COL25A1: variants seen among roughly 807,000 people sequenced by gnomAD.
COL25A1 encodes the protein collagen alpha-1(XXV) chain.
In COL25A1, 103 loss-of-function variants were observed where a neutral mutation model predicts 128.4. The ratio of observed to expected loss-of-function variants is 0.80; its 90% confidence interval spans 0.68 to 0.94. The LOEUF (loss-of-function observed/expected upper bound fraction) is 0.94, where lower values mean the gene tolerates loss of function less well. COL25A1 is among the 40% of genes least tolerant of loss of function. The pLI is 0.00. For synonymous variants in COL25A1, 279 were observed against 277.2 expected (o/e 1.01, Z -0.06); for missense variants, 745 against 840.0 (o/e 0.89, Z 1.40).
At chr4:109,013,198 C>A (rs149401978) in intron 5 of COL25A1, among the ~76,000 whole-genome samples, 12,110 of 151,960 alleles carry the variant, frequency 0.08, 818 homozygotes, top group African/African-American at 0.19. Context: ...CCAATCAGTG[C>A]TCTGTGTCTA....
chr4:109,266,711 G>C (rs1454709192), intron 3 of COL25A1, among the ~76,000 whole-genome samples: 3 of 150,978 alleles, frequency 2.0e-5, no homozygotes. Flanking sequence ...CTCAACCATA[G>C]AAAGTGACAT....
At chr4:109,197,335 T>A (rs1776135797) in intron 3 of COL25A1, among the ~76,000 whole-genome samples, 1 of 132,588 alleles carries the variant, frequency 7.5e-6, no homozygotes, top group Non-Finnish European at 1.5e-5. Flanking sequence ...CAAGTATATA[T>A]ATATATTATA....
intron 3 of COL25A1, among the ~76,000 whole-genome samples, chr4:109,182,004 T>C (rs1774690539): frequency 6.6e-6 from 1 of 152,138 alleles, no homozygotes; most frequent in African/African-American, 2.4e-5. Flanking sequence ...TCCAGGTTCA[T>C]TTATGTTGCC....
chr4:109,124,942 T>A (rs1055572898), intron 3 of COL25A1, among the ~76,000 whole-genome samples: 4 of 152,184 alleles, frequency 2.6e-5, no homozygotes, highest in African/African-American at 9.6e-5. Context: ...TGACCAAATG[T>A]CCTGAAAGCT....
rs188869410 is a variant in COL25A1 at position 108,885,900 on chromosome 4, C to G, written c.976-1678G>C. Among the ~76,000 whole-genome samples the G allele has an allele frequency of 3.3e-3, 505 of 152,208 alleles. 3 individuals carry two copies. The highest frequency in any genetic ancestry group is 2.7e-3 in the Non-Finnish European group (182 of 68,014). On this transcript the variant is annotated intron_variant, in intron 18 of 37. Coordinates refer to ENST00000399132, the MANE Select transcript of COL25A1 (RefSeq NM_198721.4). ...AACGGGTGTTCTCGTCACCTCTTTT[C>G]CTCCCACCAAATGAAAGGATTGAAT...
At chr4:109,260,435 C>T (rs1455295242) in intron 3 of COL25A1, among the ~76,000 whole-genome samples, 1 of 152,090 alleles carries the variant, frequency 6.6e-6, no homozygotes, top group Non-Finnish European at 1.5e-5. Context: ...CCTTAGCCCC[C>T]CTCCCAAAGT....
chr4:108,958,275 T>G (rs1017949955), intron 8 of COL25A1, among the ~76,000 whole-genome samples: 4 of 152,090 alleles, frequency 2.6e-5, no homozygotes, highest in Non-Finnish European at 5.9e-5. Context: ...CAGGGCAATT[T>G]TGTTAGAAAT....
intron 3 of COL25A1, among the ~76,000 whole-genome samples, chr4:109,087,063 C>A (rs961087414): frequency 6.6e-6 from 1 of 152,044 alleles, no homozygotes; most frequent in African/African-American, 2.4e-5. Flanking sequence ...AGTATGAGTA[C>A]AAAGGGATGA....
At chr4:109,288,916 GAAT>G (rs1191544190) in intron 3 of COL25A1, among the ~76,000 whole-genome samples, 1 of 148,448 alleles carries the variant, frequency 6.7e-6, no homozygotes, top group Non-Finnish European at 1.5e-5. Flanking sequence ...AAAGGAAACA[GAAT>G]AATAAACAAT....
intron 3 of COL25A1, among the ~76,000 whole-genome samples, chr4:109,263,260 T>C (rs16997032): frequency 0.03 from 4,511 of 152,236 alleles, 297 homozygotes; most frequent in East Asian, 0.24. Flanking sequence ...AAGAACACAA[T>C]AGTGAGCCTT....
intron 3 of COL25A1, among the ~76,000 whole-genome samples, chr4:109,126,667 T>G (rs1768650452): frequency 1.3e-5 from 2 of 152,202 alleles, no homozygotes; most frequent in South Asian, 2.1e-4. Flanking sequence ...ATTTTCATTT[T>G]GAAAAGCTTT....
At chr4:109,158,755 G>C (rs1772270589) in intron 3 of COL25A1, among the ~76,000 whole-genome samples, 1 of 152,142 alleles carries the variant, frequency 6.6e-6, no homozygotes, top group Middle Eastern at 3.2e-3. Flanking sequence ...AATACCCTAA[G>C]TTATAAAGTT....
At chr4:108,830,116 G>C (rs1048071577) in intron 32 of COL25A1, among the ~76,000 whole-genome samples, 2 of 152,060 alleles carry the variant, frequency 1.3e-5, no homozygotes, top group African/African-American at 4.8e-5. Context: ...CTAATGATTC[G>C]AGCTTGAAAA....
chr4:108,896,292 T>C (rs992708562), intron 16 of COL25A1, among the ~76,000 whole-genome samples: 1 of 152,040 alleles, frequency 6.6e-6, no homozygotes, highest in African/African-American at 2.4e-5. Flanking sequence ...TGTTCTCTCC[T>C]GAAACTGGCA....
chr4:109,007,817 G>A (rs113431201), intron 6 of COL25A1, among the ~76,000 whole-genome samples: 19,035 of 152,048 alleles, frequency 0.13, 1,796 homozygotes, highest in African/African-American at 0.27. Context: ...GAAGTGCCAT[G>A]ATATACGTTC....
intron 11 of COL25A1, 49 bp from the exon 12 acceptor site, chr4:108,920,653 C>A: frequency 7.0e-7 from 1 of 1,425,360 alleles, no homozygotes; most frequent in Non-Finnish European, 9.8e-7. Flanking sequence ...GCCATTTAAG[C>A]TTAGATGACC....
At chr4:108,954,605 C>T (rs899962331) in intron 8 of COL25A1, among the ~76,000 whole-genome samples, 1 of 151,712 alleles carries the variant, frequency 6.6e-6, no homozygotes, top group Non-Finnish European at 1.5e-5. Flanking sequence ...TCAAAATATG[C>T]CTTAGGTGCA....
At chr4:108,854,398 T>A (rs977484442) in intron 24 of COL25A1, among the ~76,000 whole-genome samples, 3 of 151,948 alleles carry the variant, frequency 2.0e-5, no homozygotes, top group Non-Finnish European at 4.4e-5. Context: ...AGCTTCTGAA[T>A]AGCAAAAAAA....
intron 5 of COL25A1, among the ~76,000 whole-genome samples, chr4:109,012,887 C>T (rs964963287): frequency 7.9e-5 from 12 of 152,228 alleles, no homozygotes; most frequent in Middle Eastern, 3.2e-3. Context: ...AGGGCAGCTC[C>T]GCCAGCAGCC....
Sources: allele counts gnomAD v4.1 joint callset (sites outside exome capture counted in the v4.1 genomes callset), GRCh38; gene constraint gnomAD v4.1.1; transcripts MANE v1.5; gene names NCBI Gene and HGNC (gene_info 2026-07-23, HGNC 2026-07-21).